ACKR2: variants seen among roughly 807,000 people sequenced by gnomAD.
ACKR2 encodes atypical chemokine receptor 2.
For synonymous variants in ACKR2, 207 were observed against 192.2 expected, an observed-to-expected ratio of 1.08 and a Z score of -0.64; for missense variants, 457 against 477.3, an observed-to-expected ratio of 0.96 and a Z score of 0.40.
chr3:42,838,369 T>C (rs1337458161), intron 2 of ACKR2, among the ~76,000 whole-genome samples: 1 of 152,024 alleles, frequency 6.6e-6, no homozygotes, highest in African/African-American at 2.4e-5. Flanking sequence ...CCCAATTTTG[T>C]AAAAAATGGG....
intron 2 of ACKR2, among the ~76,000 whole-genome samples, chr3:42,842,433 G>A (rs1310497757): frequency 6.6e-6 from 1 of 152,162 alleles, no homozygotes; most frequent in African/African-American, 2.4e-5. Flanking sequence ...GTAGAGGGAT[G>A]TGGCAAAAAA....
rs2088415508 is a variant in ACKR2, at chr3:42,864,694, C to T, written c.192C>T (p.Asn64=). ...TTTTTGTGTTGGGCCTCAGCGGGAA[C>T]CTCCTTCTTCTCATGGTCTTGCTCC... ...SLIFVLGLSG[N]LLLLMVLLRY... The change falls in exon 3 of 3, where the codon AAC becomes AAT. Residue 64 remains asparagine, a synonymous_variant. Transcript: ENST00000422265. The T allele has an allele frequency of 6.2e-7, 1 of 1,614,124 alleles. No individual in the cohort carries two copies.
rs750769083 is a variant in ACKR2, at chr3:42,864,517, C to T, written c.15C>T (p.Ala5=). The T allele has an allele frequency of 1.9e-6, 3 of 1,601,620 alleles. No individual in the cohort carries two copies. Among genetic ancestry groups the T allele is most frequent in the Non-Finnish European group, 2.6e-6 (3 of 1,172,446 alleles). Residue 5 remains alanine (A), a synonymous_variant, in exon 3 of 3, where the codon GCC becomes GCT. Coordinates refer to ENST00000422265, the MANE Select transcript of ACKR2 (RefSeq NM_001296.5). MAAT[A]SPQPLATEDA... The stretch of plus-strand genomic sequence containing the variant: ...TTCCTTCCAACATGGCCGCCACTGC[C>T]TCTCCGCAGCCACTCGCCACTGAGG...
At chr3:42,842,082 G>A (rs1398531493) in intron 2 of ACKR2, among the ~76,000 whole-genome samples, 2 of 152,158 alleles carry the variant, frequency 1.3e-5, no homozygotes, top group Admixed American at 6.5e-5. Flanking sequence ...TTTAGGTGTT[G>A]TCGGCCACAG....
intron 2 of ACKR2, chr3:42,851,330 G>A: frequency 1.0e-6 from 1 of 984,194 alleles, no homozygotes; most frequent in Non-Finnish European, 1.2e-6. Context: ...GCTGTCCAGA[G>A]AGGGGATGAG....
chr3:42,858,047 C>A (rs904831483), intron 2 of ACKR2, among the ~76,000 whole-genome samples: 7 of 152,374 alleles, frequency 4.6e-5, no homozygotes, highest in African/African-American at 1.7e-4. Flanking sequence ...ATAAAACTCG[C>A]ATTTCCCTGG....
intron 2 of ACKR2, among the ~76,000 whole-genome samples, chr3:42,824,222 A>G (rs1700838401): frequency 6.6e-6 from 1 of 152,204 alleles, no homozygotes; most frequent in Admixed American, 6.5e-5. Context: ...ATATAATGTA[A>G]ATGCTATGTA....
At chr3:42,829,847 G>A (rs1700912048) in intron 2 of ACKR2, among the ~76,000 whole-genome samples, 1 of 152,194 alleles carries the variant, frequency 6.6e-6, no homozygotes, top group African/African-American at 2.4e-5. Context: ...TACCTTGACT[G>A]CAAAGGGCAC....
chr3:42,818,984 T>C, intron 1 of ACKR2, among the ~76,000 whole-genome samples: 1 of 150,674 alleles, frequency 6.6e-6, no homozygotes, highest in Non-Finnish European at 1.5e-5. Flanking sequence ...AGTTCTTTGC[T>C]GGGGTGTTGG....
intron 1 of ACKR2, among the ~76,000 whole-genome samples, chr3:42,811,763 C>T (rs961689462): frequency 2.0e-5 from 3 of 152,124 alleles, no homozygotes; most frequent in South Asian, 2.1e-4. Flanking sequence ...AGGAGAAAAC[C>T]GCCCTGTGGC....
chr3:42,833,941 A>G (rs979603736), intron 2 of ACKR2, among the ~76,000 whole-genome samples: 8 of 152,064 alleles, frequency 5.3e-5, no homozygotes, highest in African/African-American at 1.9e-4. Context: ...TTCATGCAAT[A>G]TTTCAAACAT....
At chr3:42,816,974 G>A (rs141055899) in intron 1 of ACKR2, among the ~76,000 whole-genome samples, 118 of 152,246 alleles carry the variant, frequency 7.8e-4, no homozygotes, top group African/African-American at 2.8e-3. Flanking sequence ...ATTGCTACCA[G>A]GCCTGAAGTC....
At chr3:42,859,956 C>T (rs1415541616) in intron 2 of ACKR2, among the ~76,000 whole-genome samples, 1 of 151,858 alleles carries the variant, frequency 6.6e-6, no homozygotes, top group East Asian at 1.9e-4. Flanking sequence ...CAGCTAGCAT[C>T]ATAATGACAG....
At chr3:42,826,028 T>C (rs1373370343) in intron 2 of ACKR2, among the ~76,000 whole-genome samples, 1 of 152,128 alleles carries the variant, frequency 6.6e-6, no homozygotes, top group East Asian at 1.9e-4. Context: ...TTTCATATGT[T>C]GTCTTACATT....
chr3:42,821,754 T>C (rs913041876), intron 2 of ACKR2, among the ~76,000 whole-genome samples: 2 of 152,028 alleles, frequency 1.3e-5, no homozygotes, highest in South Asian at 2.1e-4. Context: ...TGGAGTGCAG[T>C]GGCGCTATCT....
intron 2 of ACKR2, among the ~76,000 whole-genome samples, chr3:42,829,646 G>A (rs1199241478): frequency 1.3e-5 from 2 of 152,190 alleles, no homozygotes; most frequent in African/African-American, 4.8e-5. Context: ...TAGGGACCCT[G>A]TGGCCTAAAG....
intron 2 of ACKR2, chr3:42,851,436 G>C: frequency 2.0e-6 from 2 of 985,548 alleles, no homozygotes; most frequent in Non-Finnish European, 2.4e-6. Flanking sequence ...ACATTCTCAA[G>C]CAAGTCATTC....
chr3:42,849,120 G>T (rs1701126389), intron 2 of ACKR2, among the ~76,000 whole-genome samples: 1 of 152,208 alleles, frequency 6.6e-6, no homozygotes, highest in African/African-American at 2.4e-5. Flanking sequence ...TGAATAAGGT[G>T]TGTAGATTAC....
chr3:42,840,201 A>G (rs1418527280), intron 2 of ACKR2, among the ~76,000 whole-genome samples: 1 of 134,730 alleles, frequency 7.4e-6, no homozygotes, highest in Non-Finnish European at 1.5e-5. Flanking sequence ...CGGAGCTTGC[A>G]GTGAGCTGAG....
Sources: allele counts gnomAD v4.1 joint callset (sites outside exome capture counted in the v4.1 genomes callset), GRCh38; gene constraint gnomAD v4.1.1; transcripts MANE v1.5; gene names NCBI Gene and HGNC (gene_info 2026-07-23, HGNC 2026-07-21).